MSH4: variants seen among roughly 807,000 people sequenced by gnomAD.
MSH4 encodes the protein mutS homolog 4.
In MSH4, 106 loss-of-function variants were observed where a neutral mutation model predicts 113.7. The observed-to-expected ratio is 0.93, with a 90% CI of 0.80 to 1.10. MSH4 has a LOEUF of 1.10. Ranked by LOEUF, MSH4 falls within the 50% of genes least tolerant of loss-of-function variation. The pLI is 0.00. For synonymous variants in MSH4, 368 were observed against 380.2 expected (o/e 0.97, Z 0.37); for missense variants, 1,061 against 1,093.7 (o/e 0.97, Z 0.42).
intron 7 of MSH4, among the ~76,000 whole-genome samples, chr1:75,832,552 C>A (rs1488904783): frequency 6.6e-6 from 1 of 152,166 alleles, no homozygotes; most frequent in Non-Finnish European, 1.5e-5. Context: ...TACTGGCAAA[C>A]CGAATCCAGC....
chr1:75,877,064 T>G, intron 10 of MSH4, 64 bp downstream of exon 10: 1 of 1,085,582 alleles, frequency 9.2e-7, no homozygotes, highest in African/African-American at 1.6e-5. Flanking sequence ...CATAACTGAT[T>G]TTAAAGACTC....
At chr1:75,884,343 C>T (rs966796142) in intron 15 of MSH4, among the ~76,000 whole-genome samples, 4 of 151,978 alleles carry the variant, frequency 2.6e-5, no homozygotes, top group African/African-American at 9.7e-5. Flanking sequence ...CTGTCACTGA[C>T]CCAACATTGT....
intron 7 of MSH4, among the ~76,000 whole-genome samples, chr1:75,846,851 T>A (rs5745401): frequency 0.059 from 8,923 of 152,252 alleles, 465 homozygotes; most frequent in African/African-American, 0.14. Flanking sequence ...TGCTTCCACA[T>A]TTTCAGGTAT....
intron 9 of MSH4, among the ~76,000 whole-genome samples, chr1:75,871,853 C>A (rs368024419): frequency 9.2e-5 from 14 of 152,168 alleles, no homozygotes; most frequent in East Asian, 7.7e-4. Context: ...GCAGTAATTA[C>A]AGGAAGAGAC....
chr1:75,821,655 C>G (rs939207460), intron 6 of MSH4, among the ~76,000 whole-genome samples: 4 of 152,222 alleles, frequency 2.6e-5, no homozygotes, highest in Non-Finnish European at 1.5e-5. Context: ...TGTCTCCACA[C>G]TGGAATACAG....
At chr1:75,886,457 G>A (rs1393706021) in intron 15 of MSH4, among the ~76,000 whole-genome samples, 1 of 115,498 alleles carries the variant, frequency 8.7e-6, no homozygotes, top group East Asian at 2.6e-4. Context: ...TATATATGAT[G>A]TATTATATAT....
At chr1:75,822,638 T>C in intron 7 of MSH4, 57 bp downstream of exon 7, 1 of 920,638 alleles carries the variant, frequency 1.1e-6, no homozygotes, top group Non-Finnish European at 1.5e-6. Flanking sequence ...ACAGTTGGCT[T>C]AGTTATTTTT....
At chr1:75,897,836 C>A in intron 17 of MSH4, 71 bp from the exon 18 acceptor site, 1 of 1,006,858 alleles carries the variant, frequency 9.9e-7, no homozygotes, top group East Asian at 3.2e-5. Flanking sequence ...ATTTTATGTT[C>A]ACATAGTTAA....
chr1:75,843,421 GA>G lies in MSH4; in HGVS notation c.1163-4786del, dbSNP rs200368216. 7.0e-3 allele frequency among the ~76,000 whole-genome samples: 1,070 copies of G among 152,294 alleles called. 13 individuals carry two copies. The highest frequency in any genetic ancestry group is 0.025 in the African/African-American group (1,030 of 41,554). ...CGAAGGGGTAAGGGGATTCTCTATA[GA>G]ATGTGAATTATTCCCACAAGAGACT... On this transcript the variant is annotated intron_variant, in intron 7 of 19. Transcript: ENST00000263187.
At chr1:75,886,800 G>T (rs1652132674) in intron 15 of MSH4, among the ~76,000 whole-genome samples, 1 of 114,880 alleles carries the variant, frequency 8.7e-6, no homozygotes, top group African/African-American at 3.3e-5. Flanking sequence ...ATACTAAACA[G>T]TATATATATA....
chr1:75,817,030 C>T (rs1234614178), intron 6 of MSH4, among the ~76,000 whole-genome samples: 1 of 152,176 alleles, frequency 6.6e-6, no homozygotes, highest in African/African-American at 2.4e-5. Flanking sequence ...GATTGTCCTG[C>T]CTCAGCCTCC....
intron 19 of MSH4, among the ~76,000 whole-genome samples, chr1:75,907,718 A>G (rs1427687944): frequency 1.7e-5 from 2 of 118,124 alleles, no homozygotes; most frequent in Non-Finnish European, 3.5e-5. Context: ...ATATATATAT[A>G]TGTATAAAAT....
chr1:75,896,503 A>T lies in MSH4; in HGVS notation c.2356-1404A>T, dbSNP rs151112087. 3.5e-3 allele frequency among the ~76,000 whole-genome samples: 534 copies of T among 151,594 alleles called. 5 individuals are homozygous for T. The highest frequency in any genetic ancestry group is 0.012 in the African/African-American group (504 of 41,316). On this transcript the variant is annotated intron_variant, in intron 17 of 19. Coordinates refer to ENST00000263187, the MANE Select transcript of MSH4 (RefSeq NM_002440.4). ...ACTCTTTTTGCCCAGGCTGGAGTGC[A>T]GTGGCATGATCTCAGCTCACTGCAA...
intron 19 of MSH4, 74 bp from the exon 20 acceptor site, chr1:75,912,622 T>G (rs1652809981): frequency 3.1e-6 from 3 of 969,708 alleles, no homozygotes; most frequent in Non-Finnish European, 2.8e-6. Context: ...GATAGAATAT[T>G]GCCAACATGT....
At chr1:75,881,502 A>G in intron 14 of MSH4, 132 bp downstream of exon 14, 1 of 855,544 alleles carries the variant, frequency 1.2e-6, no homozygotes, top group South Asian at 2.1e-5. Context: ...GTCCTAGACT[A>G]AGACACAAAA....
intron 8 of MSH4, among the ~76,000 whole-genome samples, chr1:75,852,040 C>T (rs1651199522): frequency 6.6e-6 from 1 of 152,120 alleles, no homozygotes; most frequent in African/African-American, 2.4e-5. Context: ...TTCCTTCTAA[C>T]CCCCGTTTCC....
chr1:75,849,112 A>G (rs1019039225), intron 8 of MSH4, among the ~76,000 whole-genome samples: 4 of 152,014 alleles, frequency 2.6e-5, no homozygotes, highest in African/African-American at 9.7e-5. Context: ...TTGTATTTTT[A>G]GTAGAGATGG....
chr1:75,834,411 C>T lies in MSH4; in HGVS notation c.1162+11830C>T, dbSNP rs146607629. Among the ~76,000 whole-genome samples, 535 of 152,220 alleles carry T rather than the reference C, an allele frequency of 3.5e-3. 2 individuals carry two copies. Among genetic ancestry groups the T allele is most frequent in the Non-Finnish European group, 5.2e-3 (356 of 68,018 alleles). On this transcript the variant is annotated intron_variant, in intron 7 of 19. Transcript: ENST00000263187. ...TCTAGAACTAGAAATACCATTTGAC[C>T]GAGCCATCCCATTACTGGGCATATA...
intron 6 of MSH4, among the ~76,000 whole-genome samples, chr1:75,819,814 G>A (rs1650368760): frequency 6.6e-6 from 1 of 152,120 alleles, no homozygotes; most frequent in African/African-American, 2.4e-5. Context: ...GGGTTCAAGT[G>A]ATTCTTATGG....
Sources: allele counts gnomAD v4.1 joint callset (sites outside exome capture counted in the v4.1 genomes callset), GRCh38; gene constraint gnomAD v4.1.1; transcripts MANE v1.5; gene names NCBI Gene and HGNC (gene_info 2026-07-23, HGNC 2026-07-21).